ANKHD1: variants seen among roughly 807,000 people sequenced by gnomAD.
ANKHD1 encodes ankyrin repeat and KH domain containing 1.
Under a neutral mutation model 230.5 loss-of-function variants are expected in ANKHD1, and 31 were observed. The observed-to-expected ratio is 0.13, with a 90% confidence interval of 0.10 to 0.18. ANKHD1 has a LOEUF of 0.18. ANKHD1 is among the 10% of genes least tolerant of loss of function. The pLI, the probability that ANKHD1 is intolerant of heterozygous loss-of-function variation, is 1.00. For missense variants in ANKHD1, 2,256 were observed against 3,071.3 expected, an observed-to-expected ratio of 0.73 and a Z score of 6.27; for synonymous variants, 1,074 against 1,117.6, an observed-to-expected ratio of 0.96 and a Z score of 0.78.
At chr5:140,533,773 C>T (rs1233081213) in intron 29 of ANKHD1, among the ~76,000 whole-genome samples, 5 of 90,102 alleles carry the variant, frequency 5.5e-5, no homozygotes, top group African/African-American at 2.4e-4. Context: ...AAGACCCTGT[C>T]TCAAAAAAAA....
intron 1 of ANKHD1, among the ~76,000 whole-genome samples, chr5:140,416,759 A>T (rs1465053797): frequency 6.6e-6 from 1 of 151,956 alleles, no homozygotes; most frequent in Non-Finnish European, 1.5e-5. Context: ...TGCTGGGATT[A>T]CAAGTGTGAG....
At chr5:140,494,342 A>G (rs1362525716) in intron 14 of ANKHD1, among the ~76,000 whole-genome samples, 1 of 152,136 alleles carries the variant, frequency 6.6e-6, no homozygotes, top group Non-Finnish European at 1.5e-5. Flanking sequence ...CATCATTTTT[A>G]CTCAGAAAGA....
At chr5:140,444,103 T>TTA (rs1774090775) in intron 5 of ANKHD1, among the ~76,000 whole-genome samples, 1 of 144,050 alleles carries the variant, frequency 6.9e-6, no homozygotes, top group South Asian at 2.4e-4. Context: ...TTTTTTTTTT[T>TTA]TAGCTGAAAT....
chr5:140,436,948 A>C (rs1006569922), intron 2 of ANKHD1, among the ~76,000 whole-genome samples: 11 of 152,190 alleles, frequency 7.2e-5, no homozygotes, highest in African/African-American at 2.7e-4. Context: ...ATTTTTTTAT[A>C]TGTAATGCAT....
At chr5:140,415,951 C>T (rs1301656288) in intron 1 of ANKHD1, among the ~76,000 whole-genome samples, 11 of 151,982 alleles carry the variant, frequency 7.2e-5, no homozygotes, top group East Asian at 3.9e-4. Context: ...CCTGACCCCA[C>T]GACAGGCCCC....
At chr5:140,429,590 A>G (rs1198288750) in intron 1 of ANKHD1, among the ~76,000 whole-genome samples, 4 of 152,230 alleles carry the variant, frequency 2.6e-5, no homozygotes, top group East Asian at 1.9e-4. Context: ...TGTTCCCTGC[A>G]TTGTATGACC....
At chr5:140,522,277 A>G (rs1753386187) in intron 24 of ANKHD1, among the ~76,000 whole-genome samples, 2 of 152,358 alleles carry the variant, frequency 1.3e-5, no homozygotes, top group South Asian at 2.1e-4. Flanking sequence ...CATCCATGTT[A>G]TAGCCAAAAT....
intron 1 of ANKHD1, among the ~76,000 whole-genome samples, chr5:140,417,576 G>A (rs889002408): frequency 2.6e-5 from 4 of 151,804 alleles, no homozygotes; most frequent in Non-Finnish European, 5.9e-5. Flanking sequence ...GGCCTCCTAA[G>A]TATAGCTGGG....
chr5:140,423,478 TC>T (rs949814707), intron 1 of ANKHD1, among the ~76,000 whole-genome samples: 1 of 152,146 alleles, frequency 6.6e-6, no homozygotes, highest in Non-Finnish European at 1.5e-5. Context: ...GGATGCATAG[TC>T]CATCAGCATA....
At chr5:140,444,937 C>G (rs1194414116) in intron 5 of ANKHD1, among the ~76,000 whole-genome samples, 2 of 152,026 alleles carry the variant, frequency 1.3e-5, no homozygotes, top group African/African-American at 4.8e-5. Context: ...TCCAGAAAGT[C>G]TTTTGTATTG....
At chr5:140,517,052 G>T (rs1447961431) in intron 24 of ANKHD1, among the ~76,000 whole-genome samples, 2 of 148,004 alleles carry the variant, frequency 1.4e-5, no homozygotes, top group South Asian at 2.2e-4. Flanking sequence ...CCCATCTCAC[G>T]TGCAGAGACA....
At chr5:140,453,086 G>A (rs1774879978) in intron 7 of ANKHD1, among the ~76,000 whole-genome samples, 1 of 152,178 alleles carries the variant, frequency 6.6e-6, no homozygotes, top group Non-Finnish European at 1.5e-5. Context: ...AGCCTCAGTA[G>A]CCGATTCGAT....
chr5:140,501,825 C>T (rs1752318956), intron 15 of ANKHD1, among the ~76,000 whole-genome samples: 1 of 151,934 alleles, frequency 6.6e-6, no homozygotes. Context: ...TTATTATCTT[C>T]CATATTGCCT....
At chr5:140,428,606 G>C (rs544882873) in intron 1 of ANKHD1, among the ~76,000 whole-genome samples, 2 of 152,238 alleles carry the variant, frequency 1.3e-5, no homozygotes, top group South Asian at 4.1e-4. Flanking sequence ...GCTTTGGCTC[G>C]GCATCAGAGG....
At chr5:140,437,494 G>C (rs1773538450) in intron 2 of ANKHD1, among the ~76,000 whole-genome samples, 1 of 152,208 alleles carries the variant, frequency 6.6e-6, no homozygotes. Context: ...CTTGAGGTCA[G>C]GACTTCGAGA....
At chr5:140,406,449 C>T (rs1475127597) in intron 1 of ANKHD1, among the ~76,000 whole-genome samples, 1 of 151,884 alleles carries the variant, frequency 6.6e-6, no homozygotes, top group Non-Finnish European at 1.5e-5. Flanking sequence ...CCTCTAAGGA[C>T]CTCTTTATAT....
At chr5:140,532,876 C>G (rs1266066095) in intron 29 of ANKHD1, 6 of 364,822 alleles carry the variant, frequency 1.6e-5, no homozygotes, top group Non-Finnish European at 2.7e-5. Flanking sequence ...TTGGGTGGAT[C>G]ACTTGAAGTC....
Position 140,485,397 on chromosome 5 carries a change from A to AACAAACACACAC in ANKHD1, c.1998+152_1998+153insAACACACACACA. 1 of 664,316 alleles carries AACAAACACACAC rather than the reference A, an allele frequency of 1.5e-6. No individual in the cohort carries two copies. The highest frequency in any genetic ancestry group is 1.9e-5 in the African/African-American group (1 of 51,378). The allele number at this position is 664,316 out of a possible 1,614,324, so 41.2% of individuals were successfully genotyped here. A position where few individuals can be genotyped will look rare whatever the true frequency, so the allele number is the denominator to read the frequency against. On this transcript the variant is annotated intron_variant, in intron 12 of 33. Coordinates refer to ENST00000360839, the MANE Select transcript of ANKHD1 (RefSeq NM_017747.3). The surrounding 1 kb of genome is among the most constrained non-coding windows in gnomAD (Gnocchi z 4.8). ...CATAAGGAGACCCCATCTCTATTAAAACACACACACACACACACACACACA... is the reference window on the plus strand; with the variant it reads ...CATAAGGAGACCCCATCTCTATTAAAACAAACACACACACACACACACACACACACACACACA...
At chr5:140,470,954 T>G (rs1776452446) in intron 10 of ANKHD1, among the ~76,000 whole-genome samples, 1 of 152,106 alleles carries the variant, frequency 6.6e-6, no homozygotes, top group Admixed American at 6.6e-5. Flanking sequence ...GTGGTTTTCA[T>G]GGCTTCACTG....
Sources: gnomAD v4.1 joint callset for allele counts (sites outside exome capture counted in the v4.1 genomes callset) on GRCh38, gnomAD v4.1.1 for gene constraint, Gnocchi (gnomAD v3.1) non-coding constraint, MANE v1.5 for transcripts, NCBI Gene and HGNC (gene_info 2026-07-23, HGNC 2026-07-21) for gene names.